Variants in SPTLC3 observed in about 807,000 individuals in gnomAD.
SPTLC3 encodes the protein serine palmitoyltransferase long chain base subunit 3, also known as serine palmitoyltransferase 3.
Under a neutral mutation model 59.3 loss-of-function variants are expected in SPTLC3, and 36 were observed. The observed-to-expected ratio is 0.61, with a 90% CI of 0.47 to 0.80. The LOEUF is 0.80. Ranked by LOEUF, SPTLC3 falls within the 30% of genes least tolerant of loss-of-function variation. SPTLC3 has a pLI of 0.00. For missense variants in SPTLC3, 625 were observed against 685.1 expected (o/e 0.91, Z 0.98); for synonymous variants, 257 against 240.8 (o/e 1.07, Z -0.62).
chr20:13,042,189 T>C (rs1987013689), intron 1 of SPTLC3, among the ~76,000 whole-genome samples: 1 of 152,250 alleles, frequency 6.6e-6, no homozygotes, highest in South Asian at 2.1e-4. Flanking sequence ...CTTGTTGCTT[T>C]TACCGAGTTA....
At position 13,106,056 on chromosome 20, in the gene SPTLC3, G is replaced by T. The variant is rs948062538; in HGVS notation, c.827-4056G>T. Among the ~76,000 whole-genome samples the T allele has an allele frequency of 5.3e-5, 8 of 152,246 alleles. 1 individual carries two copies. The highest frequency in any genetic ancestry group is 1.9e-4 in the African/African-American group (8 of 41,554). On this transcript the variant is annotated intron_variant, in intron 6 of 11. Coordinates refer to ENST00000399002, the MANE Select transcript of SPTLC3 (RefSeq NM_018327.4). ...TGGCTGCCATCTAGTGGTTAATAATGTACGCTAAAACACGCTCTTGGGAAC... is the reference window on the plus strand; with the variant it reads ...TGGCTGCCATCTAGTGGTTAATAATTTACGCTAAAACACGCTCTTGGGAAC...
At chr20:13,107,213 T>G (rs1168057757) in intron 6 of SPTLC3, among the ~76,000 whole-genome samples, 1 of 152,104 alleles carries the variant, frequency 6.6e-6, no homozygotes, top group Non-Finnish European at 1.5e-5. Context: ...ATTTCGAGAA[T>G]CTGCATTTTA....
chr20:13,104,374 C>A lies in SPTLC3; in HGVS notation c.827-5738C>A, dbSNP rs183576640. ...TGTTCTCGTGGTAGTGAATAAGTCTCACGAGATCTAATGGTGTTATAAAGG... is the reference window on the plus strand; with the variant it reads ...TGTTCTCGTGGTAGTGAATAAGTCTAACGAGATCTAATGGTGTTATAAAGG... On this transcript the variant is annotated intron_variant, in intron 6 of 11. Transcript: ENST00000399002. Among the ~76,000 whole-genome samples, 220 of 152,198 alleles carry A rather than the reference C, an allele frequency of 1.4e-3. 1 individual carries two copies. The highest frequency in any genetic ancestry group is 6.2e-3 in the East Asian group (32 of 5,178).
chr20:13,126,164 T>A (rs190782026), intron 8 of SPTLC3, among the ~76,000 whole-genome samples: 51 of 152,324 alleles, frequency 3.3e-4, no homozygotes, highest in South Asian at 2.5e-3. Context: ...CTAGTTTGCA[T>A]GGACTGTGAC....
intron 4 of SPTLC3, among the ~76,000 whole-genome samples, chr20:13,081,995 G>A (rs922798645): frequency 5.9e-5 from 9 of 152,092 alleles, no homozygotes; most frequent in East Asian, 1.9e-4. Flanking sequence ...TCTCCTGACC[G>A]TGATAGAAAT....
At chr20:13,048,596 T>A (rs1258706888) in intron 1 of SPTLC3, among the ~76,000 whole-genome samples, 1 of 152,192 alleles carries the variant, frequency 6.6e-6, no homozygotes, top group East Asian at 1.9e-4. Flanking sequence ...ATTCCAACAT[T>A]TGTGATATAA....
chr20:13,121,592 C>G (rs2037868358), intron 8 of SPTLC3, among the ~76,000 whole-genome samples: 1 of 152,164 alleles, frequency 6.6e-6, no homozygotes, highest in East Asian at 1.9e-4. Context: ...CTAACCCACC[C>G]TGAAGAAGAC....
At chr20:13,070,420 C>T (rs969411622) in intron 2 of SPTLC3, among the ~76,000 whole-genome samples, 3 of 152,170 alleles carry the variant, frequency 2.0e-5, no homozygotes, top group African/African-American at 7.2e-5. Flanking sequence ...CAAAACCTGC[C>T]TATTCTCCAT....
intron 10 of SPTLC3, among the ~76,000 whole-genome samples, chr20:13,157,569 T>C (rs924281597): frequency 6.6e-6 from 1 of 151,642 alleles, no homozygotes; most frequent in Non-Finnish European, 1.5e-5. Flanking sequence ...CTTTAGTCCA[T>C]AGGAAAAAAA....
At chr20:13,076,909 C>A (rs1361890003) in intron 4 of SPTLC3, among the ~76,000 whole-genome samples, 1 of 152,070 alleles carries the variant, frequency 6.6e-6, no homozygotes, top group Non-Finnish European at 1.5e-5. Flanking sequence ...AAACCTGCAC[C>A]TGTAAATGTT....
At position 13,147,907 on chromosome 20, in the gene SPTLC3, T is replaced by C. The variant is rs1375699912; in HGVS notation, c.1280-6096T>C. Among the ~76,000 whole-genome samples, 3 of 152,208 alleles carry C rather than the reference T, an allele frequency of 2.0e-5. No homozygotes were observed. The East Asian group carries it at 5.8e-4, about 29-fold the overall frequency. ...CCCATGGTATCTGGGCATATTCATG[T>C]TTTCTGTTAGAAAACGAGATTGCAA... On this transcript the variant is annotated intron_variant, in intron 9 of 11. Transcript: ENST00000399002.
At chr20:13,140,371 A>T (rs944168470) in intron 9 of SPTLC3, among the ~76,000 whole-genome samples, 1 of 152,202 alleles carries the variant, frequency 6.6e-6, no homozygotes, top group Non-Finnish European at 1.5e-5. Context: ...GAAGCTAATA[A>T]ATTTGAACAG....
chr20:13,069,360 G>A (rs949512149), intron 2 of SPTLC3, among the ~76,000 whole-genome samples: 1 of 152,034 alleles, frequency 6.6e-6, no homozygotes, highest in African/African-American at 2.4e-5. Flanking sequence ...AGCAGTCCCC[G>A]ATCTTTTTGG....
chr20:13,155,634 G>A (rs570371926), intron 10 of SPTLC3, among the ~76,000 whole-genome samples: 1 of 152,074 alleles, frequency 6.6e-6, no homozygotes, highest in African/African-American at 2.4e-5. Context: ...AAACCATCCT[G>A]GCCAACATGG....
rs1303236116 is a variant in SPTLC3 at position 13,046,387 on chromosome 20, C to T, written c.118-2558C>T. 4.6e-5 allele frequency among the ~76,000 whole-genome samples: 7 copies of T among 152,310 alleles called. No individual in the cohort carries two copies. The East Asian group carries it at 1.3e-3, about 29-fold the overall frequency. ...GTCTTCTCTCCAAAAAGCAGCCCTC[C>T]TTCCAAGTCCTTCTTTCTTCTTATC... is the stretch of plus-strand genomic sequence containing the variant. On this transcript the variant is annotated intron_variant, in intron 1 of 11. Transcript: ENST00000399002.
At chr20:13,157,573 A>G (rs934349703) in intron 10 of SPTLC3, among the ~76,000 whole-genome samples, 50 of 151,738 alleles carry the variant, frequency 3.3e-4, no homozygotes, top group African/African-American at 1.2e-3. Flanking sequence ...AGTCCATAGG[A>G]AAAAAATGCA....
In SPTLC3 at chr20:13,010,040, C is replaced by CT. The variant is rs745481257; in HGVS notation, c.117+669dup. ...CAAACTTGTATTTTCCAACTTGACA[C>CT]TTTTTTTTTTTTTCACTCTTATTGC... is the stretch of plus-strand genomic sequence containing the variant. On this transcript the variant is annotated intron_variant, in intron 1 of 11. Coordinates refer to ENST00000399002, the MANE Select transcript of SPTLC3 (RefSeq NM_018327.4). Among the ~76,000 whole-genome samples, 1,277 of 139,144 alleles carry CT rather than the reference C, an allele frequency of 9.2e-3. 12 individuals are homozygous for CT. Among genetic ancestry groups the CT allele is most frequent in the African/African-American group, 0.026 (995 of 38,082 alleles). 91.3% of individuals were successfully genotyped at this position (139,144 alleles called of 152,430 possible).
intron 4 of SPTLC3, among the ~76,000 whole-genome samples, chr20:13,083,250 A>G (rs1988900144): frequency 6.6e-6 from 1 of 152,130 alleles, no homozygotes; most frequent in South Asian, 2.1e-4. Flanking sequence ...TGTTTCTATT[A>G]TCATCCTTCA....
In SPTLC3 at chr20:13,167,835, C is replaced by T. The variant is rs923004448; in HGVS notation, c.*2968C>T. On this transcript the variant is annotated 3_prime_UTR_variant, in exon 12 of 12. Transcript: ENST00000399002. ...CCCAGGAATCTACATTTTTAACCAG[C>T]CTTCCTGCGTGATTCTAATCTATGC... is the stretch of plus-strand genomic sequence containing the variant. 6.6e-6 allele frequency: 1 copy of T among 152,146 alleles called. No individual in the cohort carries two copies. Among genetic ancestry groups the T allele is most frequent in the Non-Finnish European group, 1.5e-5 (1 of 68,020 alleles). 9.4% of individuals were successfully genotyped at this position (152,146 alleles called of 1,614,324 possible).
Sources: gnomAD v4.1 joint callset for allele counts (sites outside exome capture counted in the v4.1 genomes callset) on GRCh38, gnomAD v4.1.1 for gene constraint, MANE v1.5 for transcripts, NCBI Gene and HGNC (gene_info 2026-07-23, HGNC 2026-07-21) for gene names.